N4BP1: variants seen among roughly 807,000 people sequenced by gnomAD.
N4BP1 encodes the protein NEDD4 binding protein 1.
N4BP1 carries 21 observed loss-of-function variants against 70.9 expected under a neutral mutation model. The ratio of observed to expected loss-of-function variants is 0.30; its 90% CI spans 0.21 to 0.43. The LOEUF (loss-of-function observed/expected upper bound fraction) is 0.43, where lower values mean the gene tolerates loss of function less well. Ranked by LOEUF, N4BP1 falls within the 20% of genes least tolerant of loss-of-function variation. The pLI is 1.00. For synonymous variants in N4BP1, 387 were observed against 394.6 expected, an observed-to-expected ratio of 0.98 and a Z score of 0.23; for missense variants, 936 against 1,069.4, an observed-to-expected ratio of 0.88 and a Z score of 1.74.
chr16:48,570,694 T>C (rs1002803911), intron 1 of N4BP1, among the ~76,000 whole-genome samples: 7 of 152,206 alleles, frequency 4.6e-5, no homozygotes, highest in Non-Finnish European at 7.3e-5. Context: ...CCTGCTATTA[T>C]TTATTTTTCA....
intron 1 of N4BP1, among the ~76,000 whole-genome samples, chr16:48,605,554 T>C (rs900548912): frequency 6.6e-6 from 1 of 152,118 alleles, no homozygotes; most frequent in African/African-American, 2.4e-5. Flanking sequence ...TTCTTTCCCC[T>C]CTCTCTGGGC....
chr16:48,577,027 G>GTA (rs1964105045), intron 1 of N4BP1, among the ~76,000 whole-genome samples: 1 of 152,146 alleles, frequency 6.6e-6, no homozygotes, highest in Non-Finnish European at 1.5e-5. Flanking sequence ...GCCTCTCAAA[G>GTA]TGCTATGATT....
chr16:48,540,222 G>GA lies in N4BP1; in HGVS notation c.*2681dup, dbSNP rs1465178011. On this transcript the variant is annotated 3_prime_UTR_variant, in exon 7 of 7. Coordinates refer to ENST00000262384, the MANE Select transcript of N4BP1 (RefSeq NM_153029.4). ...GGAGGTGCGAGGAAAGGGGTTGGGG[G>GA]ATGGTCCCACAGGCAGCCACACCTG... 6.5e-6 allele frequency: 1 copy of GA among 152,692 alleles called. No individual in the cohort carries two copies. Among genetic ancestry groups the GA allele is most frequent in the Non-Finnish European group, 1.5e-5 (1 of 68,464 alleles). The allele number at this position is 152,692 out of a possible 1,614,324, so 9.5% of individuals were successfully genotyped here.
intron 1 of N4BP1, among the ~76,000 whole-genome samples, chr16:48,565,912 T>C (rs952266119): frequency 5.3e-5 from 8 of 152,192 alleles, no homozygotes; most frequent in African/African-American, 1.9e-4. Context: ...AATTTATGTA[T>C]GTAGAGTTGT....
chr16:48,574,806 ATTGT>A (rs1964068587), intron 1 of N4BP1, among the ~76,000 whole-genome samples: 1 of 152,236 alleles, frequency 6.6e-6, no homozygotes, highest in Admixed American at 6.5e-5. Flanking sequence ...ATGTTCAGAC[ATTGT>A]TTGGGTTACA....
chr16:48,575,372 A>AG (rs982585240), intron 1 of N4BP1, among the ~76,000 whole-genome samples: 4 of 152,168 alleles, frequency 2.6e-5, no homozygotes, highest in African/African-American at 9.7e-5. Flanking sequence ...TTAAGAAAAA[A>AG]GGGGGAGGGG....
intron 1 of N4BP1, among the ~76,000 whole-genome samples, chr16:48,579,468 A>G (rs1964146299): frequency 6.6e-6 from 1 of 152,196 alleles, no homozygotes; most frequent in East Asian, 1.9e-4. Flanking sequence ...TGCCTAACAC[A>G]TTATTCATTA....
At chr16:48,565,220 A>G (rs1175460578) in intron 1 of N4BP1, among the ~76,000 whole-genome samples, 1 of 152,188 alleles carries the variant, frequency 6.6e-6, no homozygotes, top group Admixed American at 6.5e-5. Flanking sequence ...GAGACTGGGT[A>G]TGCTTGCCTT....
At chr16:48,570,185 C>A (rs8052640) in intron 1 of N4BP1, among the ~76,000 whole-genome samples, 64,709 of 151,246 alleles carry the variant, frequency 0.43, 15,527 homozygotes, top group African/African-American at 0.65. Flanking sequence ...GGCTCACTCT[C>A]GGTTTTAGAT....
At chr16:48,568,477 T>C (rs1477253907) in intron 1 of N4BP1, among the ~76,000 whole-genome samples, 1 of 152,216 alleles carries the variant, frequency 6.6e-6, no homozygotes, top group Non-Finnish European at 1.5e-5. Context: ...TATTTACCAT[T>C]TATATCTGAA....
chr16:48,602,254 A>G (rs1197117633), intron 1 of N4BP1, among the ~76,000 whole-genome samples: 1 of 152,118 alleles, frequency 6.6e-6, no homozygotes. Flanking sequence ...AACCAACAAA[A>G]AACACAACAA....
rs185944104 is a variant in N4BP1 at position 48,564,782 on chromosome 16, C to A, written c.199-2338G>T. On this transcript the variant is annotated intron_variant, in intron 1 of 6. Coordinates refer to ENST00000262384, the MANE Select transcript of N4BP1 (RefSeq NM_153029.4). ...TGAGCATAACTGACATCTGCTGAGT[C>A]TCCTGATCCATGAACCTGGTATTTC... Among the ~76,000 whole-genome samples, 6 of 152,338 alleles carry A rather than the reference C, an allele frequency of 3.9e-5. No individual in the cohort carries two copies. In the East Asian group the frequency reaches 1.2e-3, roughly 29 times the overall value.
At chr16:48,571,872 T>C (rs1274632267) in intron 1 of N4BP1, among the ~76,000 whole-genome samples, 2 of 152,150 alleles carry the variant, frequency 1.3e-5, no homozygotes, top group Non-Finnish European at 2.9e-5. Flanking sequence ...TGGCAATTAA[T>C]ACAGAAGTAA....
At chr16:48,556,005 C>T (rs1008323910) in intron 2 of N4BP1, among the ~76,000 whole-genome samples, 1 of 152,094 alleles carries the variant, frequency 6.6e-6, no homozygotes, top group East Asian at 1.9e-4. Context: ...CAGTTCAATT[C>T]CACTGGGTCA....
At chr16:48,576,205 G>A (rs1487755773) in intron 1 of N4BP1, among the ~76,000 whole-genome samples, 1 of 152,132 alleles carries the variant, frequency 6.6e-6, no homozygotes, top group Non-Finnish European at 1.5e-5. Context: ...TAATCTGTAA[G>A]TCTATAACAG....
chr16:48,543,731 T>G (rs976395419), intron 6 of N4BP1, among the ~76,000 whole-genome samples: 2 of 152,176 alleles, frequency 1.3e-5, no homozygotes, highest in African/African-American at 4.8e-5. Context: ...CACACTTGTA[T>G]GCACATGGGT....
At chr16:48,569,823 G>A (rs959452064) in intron 1 of N4BP1, among the ~76,000 whole-genome samples, 2 of 152,166 alleles carry the variant, frequency 1.3e-5, no homozygotes, top group Admixed American at 6.5e-5. Context: ...ATCCATGCAC[G>A]TGTACCTTGG....
chr16:48,604,368 T>C (rs1401883487), intron 1 of N4BP1, among the ~76,000 whole-genome samples: 1 of 152,028 alleles, frequency 6.6e-6, no homozygotes, highest in Non-Finnish European at 1.5e-5. Flanking sequence ...CAGGGCAGCA[T>C]AGTGAGATGC....
In N4BP1 at chr16:48,544,877, G is replaced by A. The variant is rs952094654; in HGVS notation, c.2333+1270C>T. Among the ~76,000 whole-genome samples the A allele has an allele frequency of 3.3e-5, 5 of 152,204 alleles. No individual in the cohort carries two copies. The East Asian group carries it at 9.6e-4, about 29-fold the overall frequency. ...TACAAAATGACCCCATCAGGCACTCGTGATTCAGAGGGAGAGCTCTCACAC... is the reference window on the plus strand; with the variant it reads ...TACAAAATGACCCCATCAGGCACTCATGATTCAGAGGGAGAGCTCTCACAC... On this transcript the variant is annotated intron_variant, in intron 6 of 6. Transcript: ENST00000262384.
Sources: gnomAD v4.1 joint callset for allele counts (sites outside exome capture counted in the v4.1 genomes callset) on GRCh38, gnomAD v4.1.1 for gene constraint, MANE v1.5 for transcripts, NCBI Gene and HGNC (gene_info 2026-07-23, HGNC 2026-07-21) for gene names.